The following FOXP2 variants were observed in gnomAD, a reference collection of about 807,000 sequenced individuals.
FOXP2 encodes the protein forkhead box protein P2.
FOXP2 carries 12 observed loss-of-function variants against 115.8 expected under a neutral mutation model. The ratio of observed to expected loss-of-function variants is 0.10; its 90% confidence interval spans 0.07 to 0.17. The LOEUF (loss-of-function observed/expected upper bound fraction) is 0.17, where lower values mean the gene tolerates loss of function less well. FOXP2 is among the 10% of genes least tolerant of loss of function. The pLI is 1.00. For synonymous variants in FOXP2, 328 were observed against 297.7 expected (o/e 1.10, Z -1.05); for missense variants, 629 against 843.5 (o/e 0.75, Z 3.15).
intron 2 of FOXP2, among the ~76,000 whole-genome samples, chr7:114,330,109 AT>A (rs906575765): frequency 3.3e-5 from 5 of 151,664 alleles, no homozygotes; most frequent in African/African-American, 9.7e-5. Context: ...AAGTCTGTGG[AT>A]TTTTTTTCCT....
At chr7:114,594,029 G>T (rs938197335) in intron 3 of FOXP2, among the ~76,000 whole-genome samples, 6 of 151,870 alleles carry the variant, frequency 4.0e-5, no homozygotes, top group African/African-American at 1.2e-4. Flanking sequence ...TTATAAAATA[G>T]ATTTCTTTCA....
At chr7:114,503,199 A>G (rs1797646640) in intron 2 of FOXP2, among the ~76,000 whole-genome samples, 1 of 151,874 alleles carries the variant, frequency 6.6e-6, no homozygotes, top group African/African-American at 2.4e-5. Flanking sequence ...GCTATTTTTT[A>G]TACATTTTTC....
intron 13 of FOXP2, among the ~76,000 whole-genome samples, chr7:114,660,850 T>G (rs1458124080): frequency 6.6e-6 from 1 of 152,126 alleles, no homozygotes; most frequent in Non-Finnish European, 1.5e-5. Flanking sequence ...GAAAGATGAT[T>G]TAATATCTTA....
intron 2 of FOXP2, among the ~76,000 whole-genome samples, chr7:114,344,197 G>A (rs751352035): frequency 2.0e-5 from 3 of 151,676 alleles, no homozygotes; most frequent in Non-Finnish European, 4.4e-5. Flanking sequence ...TGTACTAACA[G>A]CATGCTACAC....
chr7:114,437,491 G>A (rs957012267), intron 2 of FOXP2, among the ~76,000 whole-genome samples: 4 of 152,010 alleles, frequency 2.6e-5, no homozygotes, highest in Admixed American at 6.6e-5. Flanking sequence ...CAGTACTTCC[G>A]TGAAGTCTTT....
chr7:114,236,512 C>T (rs948416158), intron 1 of FOXP2, among the ~76,000 whole-genome samples: 3 of 152,152 alleles, frequency 2.0e-5, no homozygotes, highest in African/African-American at 7.2e-5. Context: ...AAATGTATAG[C>T]TATAGATTTG....
intron 2 of FOXP2, among the ~76,000 whole-genome samples, chr7:114,427,827 A>G (rs1793925429): frequency 6.6e-6 from 1 of 151,644 alleles, no homozygotes; most frequent in Admixed American, 6.6e-5. Context: ...ACCTTTAGGC[A>G]TTGTTTTCAA....
At chr7:114,445,776 A>G (rs1369652983) in intron 2 of FOXP2, among the ~76,000 whole-genome samples, 1 of 152,134 alleles carries the variant, frequency 6.6e-6, no homozygotes, top group Non-Finnish European at 1.5e-5. Context: ...CTATTCTTCT[A>G]CATATGTATT....
chr7:114,554,483 T>C (rs1800362878), intron 3 of FOXP2, among the ~76,000 whole-genome samples: 1 of 152,184 alleles, frequency 6.6e-6, no homozygotes, highest in Non-Finnish European at 1.5e-5. Flanking sequence ...AGTAACACAG[T>C]TCTAAAATTT....
rs1282976814 is a variant in FOXP2, at chr7:114,691,044, G to A, written c.*1118G>A. On this transcript the variant is annotated 3_prime_UTR_variant, in exon 17 of 17. Transcript: ENST00000350908. Reference sequence around the variant, plus strand: ...CAGAGGTGAGGACAAAATCCGCAGTGGAAGTTATGATATGCTAGAAAGCAA... The same window carrying A: ...CAGAGGTGAGGACAAAATCCGCAGTAGAAGTTATGATATGCTAGAAAGCAA... The A allele has an allele frequency of 1.8e-5, 8 of 454,024 alleles. No homozygotes were observed. The highest frequency in any genetic ancestry group is 3.1e-5 in the Non-Finnish European group (7 of 226,756). The allele number at this position is 454,024 out of a possible 1,614,324, so 28.1% of individuals were successfully genotyped here.
In FOXP2 at chr7:114,692,062, A is replaced by C; in HGVS notation, c.*2136A>C. On this transcript the variant is annotated 3_prime_UTR_variant, in exon 17 of 17. Coordinates refer to ENST00000350908, the MANE Select transcript of FOXP2 (RefSeq NM_014491.4). ...TTTGGGTCATGATCAACGAACCGGA[A>C]GTTTACAATATGGTATTAAAAGAAA... 2.2e-6 allele frequency: 1 copy of C among 454,116 alleles called. No homozygotes were observed. The highest frequency in any genetic ancestry group is 1.6e-5 in the South Asian group (1 of 64,448). 28.1% of individuals were successfully genotyped at this position (454,116 alleles called of 1,614,324 possible). A position where few individuals can be genotyped will look rare whatever the true frequency, so the allele number is the denominator to read the frequency against.
At chr7:114,559,837 C>T (rs1007895350) in intron 3 of FOXP2, among the ~76,000 whole-genome samples, 6 of 147,542 alleles carry the variant, frequency 4.1e-5, no homozygotes, top group African/African-American at 7.6e-5. Context: ...TGCAGTGAGC[C>T]AATATCGTGC....
chr7:114,267,355 A>C (rs1173006308), intron 1 of FOXP2, among the ~76,000 whole-genome samples: 1 of 152,138 alleles, frequency 6.6e-6, no homozygotes, highest in Non-Finnish European at 1.5e-5. Flanking sequence ...TTCATTTACT[A>C]TTCCGTATTA....
chr7:114,622,651 T>C (rs1804316647), intron 3 of FOXP2, among the ~76,000 whole-genome samples: 1 of 151,978 alleles, frequency 6.6e-6, no homozygotes, highest in African/African-American at 2.4e-5. Flanking sequence ...GGATCTTCCT[T>C]CTCATATTTA....
intron 2 of FOXP2, among the ~76,000 whole-genome samples, chr7:114,305,065 A>G (rs923465570): frequency 5.9e-5 from 9 of 152,212 alleles, no homozygotes; most frequent in African/African-American, 1.9e-4. Flanking sequence ...ATGAAAAAAT[A>G]CAATATGCTT....
intron 2 of FOXP2, among the ~76,000 whole-genome samples, chr7:114,294,909 T>TGC (rs1796704850): frequency 6.6e-6 from 1 of 151,870 alleles, no homozygotes; most frequent in African/African-American, 2.4e-5. Flanking sequence ...CATGCATGCA[T>TGC]ATATACATAC....
At chr7:114,605,845 G>A (rs1803290357) in intron 3 of FOXP2, among the ~76,000 whole-genome samples, 1 of 152,122 alleles carries the variant, frequency 6.6e-6, no homozygotes, top group South Asian at 2.1e-4. Context: ...TCTTCTTTAG[G>A]ATTGAGAGAG....
At chr7:114,172,935 T>C (rs1203610987) in intron 1 of FOXP2, among the ~76,000 whole-genome samples, 1 of 152,126 alleles carries the variant, frequency 6.6e-6, no homozygotes, top group Non-Finnish European at 1.5e-5. Flanking sequence ...AAAGTGCTAA[T>C]GTCCATAGAT....
intron 1 of FOXP2, among the ~76,000 whole-genome samples, chr7:114,216,172 T>A (rs890713981): frequency 6.6e-6 from 1 of 152,250 alleles, no homozygotes; most frequent in East Asian, 1.9e-4. Flanking sequence ...TAGTAAGAAG[T>A]GAAGGGACAG....
Sources: gnomAD v4.1 joint callset for allele counts (sites outside exome capture counted in the v4.1 genomes callset) on GRCh38, gnomAD v4.1.1 for gene constraint, MANE v1.5 for transcripts, NCBI Gene and HGNC (gene_info 2026-07-23, HGNC 2026-07-21) for gene names.